The following FRAS1 variants were observed in gnomAD, a reference collection of about 807,000 sequenced individuals.
FRAS1 encodes the protein extracellular matrix organizing protein FRAS1.
FRAS1 carries 290 observed loss-of-function variants against 435.2 expected under a neutral mutation model. That is an observed-to-expected ratio of 0.67 (90% CI 0.61 to 0.73). The LOEUF (loss-of-function observed/expected upper bound fraction) is 0.73, where lower values mean the gene tolerates loss of function less well. Ranked by LOEUF, FRAS1 falls within the 30% of genes least tolerant of loss-of-function variation. The pLI, the probability that FRAS1 is intolerant of heterozygous loss-of-function variation, is 0.00. For missense variants in FRAS1, 4,860 were observed against 5,001.5 expected (o/e 0.97, Z 0.85); for synonymous variants, 1,800 against 1,851.0 (o/e 0.97, Z 0.71).
At chr4:78,255,179 C>T (rs1315712320) in intron 5 of FRAS1, 63 bp from the exon 6 acceptor site, 1 of 1,520,196 alleles carries the variant, frequency 6.6e-7, no homozygotes, top group Non-Finnish European at 8.9e-7. Flanking sequence ...CACGCCCATG[C>T]AGTCAGCCCT....
chr4:78,301,404 G>C (rs1329662070), intron 14 of FRAS1, among the ~76,000 whole-genome samples: 2 of 152,014 alleles, frequency 1.3e-5, no homozygotes, highest in Non-Finnish European at 2.9e-5. Flanking sequence ...ATGCTGAAGA[G>C]GAGAATATTT....
intron 2 of FRAS1, among the ~76,000 whole-genome samples, chr4:78,166,951 T>A (rs564445601): frequency 6.6e-6 from 1 of 152,314 alleles, no homozygotes; most frequent in South Asian, 2.1e-4. Context: ...TGTCAACCTG[T>A]GTTCCTAAAT....
chr4:78,511,627 C>T lies in FRAS1; in HGVS notation c.10013+121C>T, dbSNP rs566192392. 8.7e-5 allele frequency: 73 copies of T among 838,370 alleles called. No homozygotes were observed. The African/African-American group carries it at 1.0e-3, about 12-fold the overall frequency. The allele number at this position is 838,370 out of a possible 1,614,324, so 51.9% of individuals were successfully genotyped here. On this transcript the variant is annotated intron_variant, in intron 64 of 73. Coordinates refer to ENST00000512123, the MANE Select transcript of FRAS1 (RefSeq NM_025074.7). ...CATGATAAAAATGTGATGATGAATG[C>T]ATCAGTAAAAGTTTAAATCTGTGAA... is the stretch of plus-strand genomic sequence containing the variant.
chr4:78,230,848 AT>A (rs1724486164), intron 2 of FRAS1, among the ~76,000 whole-genome samples: 1 of 152,220 alleles, frequency 6.6e-6, no homozygotes, highest in African/African-American at 2.4e-5. Flanking sequence ...TTTTATTTAA[AT>A]TCCCTCCCCC....
chr4:78,077,872 A>G (rs1740722801), intron 2 of FRAS1, among the ~76,000 whole-genome samples: 2 of 151,672 alleles, frequency 1.3e-5, no homozygotes, highest in Admixed American at 1.3e-4. Flanking sequence ...ATGTTGCTTT[A>G]TTTATTATAC....
intron 61 of FRAS1, among the ~76,000 whole-genome samples, chr4:78,505,221 G>T (rs995185622): frequency 6.6e-6 from 1 of 152,060 alleles, no homozygotes; most frequent in Non-Finnish European, 1.5e-5. Flanking sequence ...TGCTCTTCTT[G>T]AGGAGTACCT....
rs376188430 is a variant in FRAS1 at position 78,381,325 on chromosome 4, ACAGAATCT to A, written c.3563+1332_3563+1339del. ...ATAAGTATTATTATTGTTATTTGAG[ACAGAATCT>A]CACTCTGTCACTCAGGCTGGAGTAC... On this transcript the variant is annotated intron_variant, in intron 27 of 73. Coordinates refer to ENST00000512123, the MANE Select transcript of FRAS1 (RefSeq NM_025074.7). 2.8e-3 allele frequency among the ~76,000 whole-genome samples: 430 copies of A among 152,272 alleles called. 1 individual carries two copies. Among genetic ancestry groups the A allele is most frequent in the African/African-American group, 9.1e-3 (380 of 41,546 alleles).
At chr4:78,470,643 C>T (rs1719672856) in intron 51 of FRAS1, among the ~76,000 whole-genome samples, 1 of 152,010 alleles carries the variant, frequency 6.6e-6, no homozygotes, top group Non-Finnish European at 1.5e-5. Flanking sequence ...AGCATTTGTG[C>T]CATGTGAGGT....
At chr4:78,065,170 ATG>A (rs1303160477) in intron 1 of FRAS1, among the ~76,000 whole-genome samples, 1 of 146,734 alleles carries the variant, frequency 6.8e-6, no homozygotes, top group Non-Finnish European at 1.5e-5. Context: ...GTGGGTATAT[ATG>A]TATATATATG....
chr4:78,431,722 CA>C (rs1229606106), intron 37 of FRAS1, among the ~76,000 whole-genome samples: 1 of 152,068 alleles, frequency 6.6e-6, no homozygotes, highest in Non-Finnish European at 1.5e-5. Context: ...ATGAATCCTG[CA>C]GTATAAAAAA....
intron 59 of FRAS1, 114 bp downstream of exon 59, chr4:78,489,194 GACCCTTGAA>G (rs1396709770): frequency 1.0e-6 from 1 of 971,326 alleles, no homozygotes; most frequent in Non-Finnish European, 1.5e-6. Context: ...TACTACAGGT[GACCCTTGAA>G]CAATGCAGGG....
chr4:78,217,069 A>T (rs1010224365), intron 2 of FRAS1, among the ~76,000 whole-genome samples: 1 of 141,376 alleles, frequency 7.1e-6, no homozygotes, highest in Non-Finnish European at 1.6e-5. Context: ...CCAATAAAAG[A>T]TAGCTAGATA....
intron 6 of FRAS1, among the ~76,000 whole-genome samples, chr4:78,262,614 CTCTT>C (rs2110148724): frequency 6.6e-6 from 1 of 152,250 alleles, no homozygotes; most frequent in South Asian, 2.1e-4. Flanking sequence ...GGGTTTTAAT[CTCTT>C]TCTATATTTT....
At chr4:78,178,068 C>G (rs1383805105) in intron 2 of FRAS1, among the ~76,000 whole-genome samples, 1 of 152,204 alleles carries the variant, frequency 6.6e-6, no homozygotes, top group Admixed American at 6.5e-5. Flanking sequence ...AAGGGAGATT[C>G]CTTCCTCGCC....
At chr4:78,101,921 T>C (rs1013723114) in intron 2 of FRAS1, among the ~76,000 whole-genome samples, 1 of 152,220 alleles carries the variant, frequency 6.6e-6, no homozygotes, top group African/African-American at 2.4e-5. Flanking sequence ...ATTTGTTCAC[T>C]ACATTTATTC....
At chr4:78,446,452 AT>A in intron 42 of FRAS1, 1 of 1,218,724 alleles carries the variant, frequency 8.2e-7, no homozygotes. Context: ...ACATATCCAT[AT>A]TTTTGGTCTA....
At chr4:78,259,881 T>C (rs1174367595) in intron 6 of FRAS1, among the ~76,000 whole-genome samples, 2 of 152,172 alleles carry the variant, frequency 1.3e-5, no homozygotes, top group Non-Finnish European at 2.9e-5. Context: ...AATTGATTTT[T>C]GTATAAGGTG....
rs146963222 is a variant in FRAS1, at chr4:78,372,925, C to T, written c.3010+67C>T. 2,189 of 1,469,992 alleles carry T rather than the reference C, an allele frequency of 1.5e-3. 8 individuals carry two copies. Among genetic ancestry groups the T allele is most frequent in the Middle Eastern group, 5.3e-3 (21 of 4,000 alleles). 91.1% of individuals were successfully genotyped at this position (1,469,992 alleles called of 1,614,324 possible). On this transcript the variant is annotated intron_variant, in intron 24 of 73. Transcript: ENST00000512123. ...GGCCACCTCTGATTTGTACTGTTCTCAGAAGGAAACAGTGGCAAGTTTCCC... is the reference window on the plus strand; with the variant it reads ...GGCCACCTCTGATTTGTACTGTTCTTAGAAGGAAACAGTGGCAAGTTTCCC...
At chr4:78,412,908 C>A (rs1189978226) in intron 31 of FRAS1, 61 bp from the exon 32 acceptor site, 2 of 964,274 alleles carry the variant, frequency 2.1e-6, no homozygotes, top group African/African-American at 1.7e-5. Flanking sequence ...GAAAAACCCA[C>A]GTACTAACAT....
Sources: allele counts gnomAD v4.1 joint callset (sites outside exome capture counted in the v4.1 genomes callset), GRCh38; gene constraint gnomAD v4.1.1; transcripts MANE v1.5; gene names NCBI Gene and HGNC (gene_info 2026-07-23, HGNC 2026-07-21).